The following LMBRD2 variants were observed in gnomAD, a reference collection of about 807,000 sequenced individuals.
LMBRD2 encodes LMBR1 domain containing 2.
LMBRD2 carries 55 observed loss-of-function variants against 94.4 expected under a neutral mutation model. The ratio of observed to expected loss-of-function variants is 0.58; its 90% CI spans 0.47 to 0.73. LMBRD2 has a LOEUF of 0.73. LMBRD2 is among the 30% of genes least tolerant of loss of function. LMBRD2 has a pLI of 0.00. For missense variants in LMBRD2, 640 were observed against 831.9 expected (o/e 0.77, Z 2.84); for synonymous variants, 246 against 272.4 (o/e 0.90, Z 0.95).
intron 1 of LMBRD2, among the ~76,000 whole-genome samples, chr5:36,146,551 T>A (rs6872883): frequency 0.052 from 7,856 of 151,458 alleles, 670 homozygotes; most frequent in African/African-American, 0.18. Context: ...AAAAAAAAAT[T>A]TTTTTTGTAG....
intron 6 of LMBRD2, among the ~76,000 whole-genome samples, chr5:36,128,415 C>A (rs1744058302): frequency 6.6e-6 from 1 of 152,146 alleles, no homozygotes; most frequent in Non-Finnish European, 1.5e-5. Flanking sequence ...CATGACCTCA[C>A]CAAATGAACT....
chr5:36,147,874 T>C (rs1301262262), intron 1 of LMBRD2: 1 of 433,360 alleles, frequency 2.3e-6, no homozygotes, highest in Admixed American at 2.8e-5. Flanking sequence ...AAACCAAAGA[T>C]TCTGAAACTG....
intron 3 of LMBRD2, 68 bp downstream of exon 3, chr5:36,142,434 A>G: frequency 1.2e-6 from 1 of 868,098 alleles, no homozygotes; most frequent in Non-Finnish European, 1.8e-6. Flanking sequence ...CTGGATGGTA[A>G]AAACTTTCAA....
At chr5:36,108,951 C>T (rs1001735249) in intron 15 of LMBRD2, among the ~76,000 whole-genome samples, 1 of 152,024 alleles carries the variant, frequency 6.6e-6, no homozygotes, top group Non-Finnish European at 1.5e-5. Flanking sequence ...GTTAAGAGAA[C>T]CCATAATGAC....
intron 7 of LMBRD2, among the ~76,000 whole-genome samples, chr5:36,123,237 G>A (rs778139932): frequency 6.6e-5 from 10 of 152,074 alleles, no homozygotes; most frequent in Admixed American, 3.9e-4. Flanking sequence ...TTACCTGCAG[G>A]AAGCAACTAG....
chr5:36,102,854 T>C lies in LMBRD2; in HGVS notation c.*1192A>G, dbSNP rs1473015488. 3 of 151,722 alleles carry C rather than the reference T, an allele frequency of 2.0e-5. No homozygotes were observed. The highest frequency in any genetic ancestry group is 7.2e-5 in the African/African-American group (3 of 41,398). The allele number at this position is 151,722 out of a possible 1,614,324, so 9.4% of individuals were successfully genotyped here. On this transcript the variant is annotated 3_prime_UTR_variant, in exon 18 of 18. Coordinates refer to ENST00000296603, the MANE Select transcript of LMBRD2 (RefSeq NM_001007527.2). Reference sequence around the variant, plus strand: ...GGCAAGCTGAAGTATGGTCACCAAATGTAGCATGGATTCAGTAAGAGTTGC... The same window carrying C: ...GGCAAGCTGAAGTATGGTCACCAAACGTAGCATGGATTCAGTAAGAGTTGC...
At chr5:36,135,415 G>A (rs1447900463) in intron 6 of LMBRD2, among the ~76,000 whole-genome samples, 1 of 152,114 alleles carries the variant, frequency 6.6e-6, no homozygotes, top group Non-Finnish European at 1.5e-5. Flanking sequence ...TGAGTGTTAG[G>A]TAAATATTAA....
intron 6 of LMBRD2, among the ~76,000 whole-genome samples, chr5:36,128,595 G>A (rs989061699): frequency 5.3e-5 from 8 of 152,220 alleles, no homozygotes; most frequent in South Asian, 2.1e-4. Context: ...GTGTGTGCCT[G>A]TAGTACCAGC....
At chr5:36,119,820 T>A (rs79609396) in intron 9 of LMBRD2, among the ~76,000 whole-genome samples, 7,657 of 152,190 alleles carry the variant, frequency 0.05, 682 homozygotes, top group African/African-American at 0.18. Flanking sequence ...ACAGAAGCGA[T>A]CAGAGAATTT....
chr5:36,122,613 A>G lies in LMBRD2; in HGVS notation c.937-150T>C, dbSNP rs182681976. The G allele has an allele frequency of 8.0e-6, 7 of 872,290 alleles. No homozygotes were observed. In the Admixed American group the frequency reaches 1.3e-4, roughly 16 times the overall value. 54.0% of individuals were successfully genotyped at this position (872,290 alleles called of 1,614,324 possible). ...CTGAGAATATTAATGTTCCAAAATG[A>G]TGTAACAGTTTTATATAATGTAACA... is the stretch of plus-strand genomic sequence containing the variant. On this transcript the variant is annotated intron_variant, in intron 8 of 17. Transcript: ENST00000296603.
chr5:36,105,369 T>A (rs989882058), intron 16 of LMBRD2, among the ~76,000 whole-genome samples, 172 bp from the exon 17 acceptor site: 1 of 152,110 alleles, frequency 6.6e-6, no homozygotes, highest in Admixed American at 6.6e-5. Flanking sequence ...ATAAGCAGTA[T>A]AATAGAATAT....
intron 5 of LMBRD2, among the ~76,000 whole-genome samples, chr5:36,136,741 A>G (rs962236482): frequency 2.0e-5 from 3 of 152,320 alleles, no homozygotes; most frequent in South Asian, 2.1e-4. Context: ...AAATGTTTCA[A>G]ATTAACCTGT....
At chr5:36,149,605 T>C (rs1744639626) in intron 1 of LMBRD2, among the ~76,000 whole-genome samples, 2 of 152,174 alleles carry the variant, frequency 1.3e-5, no homozygotes, top group Admixed American at 6.6e-5. Context: ...CCGTCTTCCT[T>C]TTAAAGAGAT....
intron 6 of LMBRD2, among the ~76,000 whole-genome samples, chr5:36,126,791 T>C (rs997908335): frequency 1.3e-5 from 2 of 152,240 alleles, no homozygotes; most frequent in African/African-American, 4.8e-5. Flanking sequence ...ATTAAATGGA[T>C]AGCTGAAAAA....
At chr5:36,124,337 A>G in intron 6 of LMBRD2, 72 bp from the exon 7 acceptor site, 1 of 833,808 alleles carries the variant, frequency 1.2e-6, no homozygotes, top group Admixed American at 2.2e-5. Flanking sequence ...AGAATGCATT[A>G]GGTACTATAT....
At chr5:36,150,425 T>C (rs1359969254) in intron 1 of LMBRD2, among the ~76,000 whole-genome samples, 1 of 152,234 alleles carries the variant, frequency 6.6e-6, no homozygotes, top group Non-Finnish European at 1.5e-5. Context: ...TATGGCATCT[T>C]AAATATTTTT....
In LMBRD2 at chr5:36,122,194, C is replaced by T. The variant is rs899631236; in HGVS notation, c.1120+86G>A. On this transcript the variant is annotated intron_variant, in intron 9 of 17. Transcript: ENST00000296603. ...TAAATCAAATAATACAAATAAAATT[C>T]AACTTTGCATTGGTGAAAATACATA... 28 of 920,850 alleles carry T rather than the reference C, an allele frequency of 3.0e-5. No homozygotes were observed. The African/African-American group carries it at 4.6e-4, about 15-fold the overall frequency. The allele number at this position is 920,850 out of a possible 1,614,324, so 57.0% of individuals were successfully genotyped here.
At chr5:36,114,346 T>G in intron 13 of LMBRD2, 78 bp downstream of exon 13, 1 of 1,466,676 alleles carries the variant, frequency 6.8e-7, no homozygotes, top group South Asian at 1.4e-5. Context: ...ACTCAATCAG[T>G]AAATATTTAA....
In LMBRD2 at chr5:36,122,763, C is replaced by T. The variant is rs1002308628; in HGVS notation, c.936+85G>A. On this transcript the variant is annotated intron_variant, in intron 8 of 17. Coordinates refer to ENST00000296603, the MANE Select transcript of LMBRD2 (RefSeq NM_001007527.2). ...AAAGGAAGTTTTAAATACACATTCA[C>T]TAAAAATTCCTTTTTTTATGAGCAA... is the stretch of plus-strand genomic sequence containing the variant. 2.1e-6 allele frequency: 3 copies of T among 1,453,972 alleles called. No individual in the cohort carries two copies. The African/African-American group carries it at 4.4e-5, about 22-fold the overall frequency. The allele number at this position is 1,453,972 out of a possible 1,614,324, so 90.1% of individuals were successfully genotyped here.
Sources: allele counts gnomAD v4.1 joint callset (sites outside exome capture counted in the v4.1 genomes callset), GRCh38; gene constraint gnomAD v4.1.1; transcripts MANE v1.5; gene names NCBI Gene and HGNC (gene_info 2026-07-23, HGNC 2026-07-21).